The following ANTXR2 variants were observed in gnomAD, a reference collection of about 807,000 sequenced individuals.
The protein encoded by ANTXR2 is anthrax toxin receptor 2.
ANTXR2 carries 44 observed loss-of-function variants against 73.7 expected under a neutral mutation model. The observed-to-expected ratio is 0.60, with a 90% confidence interval of 0.47 to 0.77. ANTXR2 has a LOEUF of 0.77. Among genes scored for constraint, ANTXR2 ranks in the 30% least tolerant of loss-of-function variants. The probability of loss-of-function intolerance (pLI) is 0.00; values close to 1 mark genes in which losing one functional copy is unlikely to be tolerated. For missense variants in ANTXR2, 604 were observed against 592.5 expected (o/e 1.02, Z -0.20); for synonymous variants, 217 against 205.9 (o/e 1.05, Z -0.46).
intron 10 of ANTXR2, among the ~76,000 whole-genome samples, chr4:80,026,337 T>C (rs899594841): frequency 2.0e-5 from 3 of 152,156 alleles, no homozygotes; most frequent in Non-Finnish European, 2.9e-5. Flanking sequence ...CCTTCTGCCA[T>C]GACTAAGTTT....
intron 16 of ANTXR2, among the ~76,000 whole-genome samples, chr4:79,966,356 C>A (rs1729365309): frequency 1.3e-5 from 2 of 152,112 alleles, no homozygotes; most frequent in Non-Finnish European, 2.9e-5. Context: ...CCATAAGGTT[C>A]AGTAACTTTA....
chr4:79,917,758 T>G (rs977598225), intron 16 of ANTXR2, among the ~76,000 whole-genome samples: 2 of 151,992 alleles, frequency 1.3e-5, no homozygotes, highest in Non-Finnish European at 2.9e-5. Context: ...AGGGTAAACG[T>G]TACCAGACGA....
intron 6 of ANTXR2, 134 bp from the exon 7 acceptor site, chr4:80,054,486 A>C: frequency 1.6e-6 from 1 of 627,878 alleles, no homozygotes; most frequent in Non-Finnish European, 2.8e-6. Context: ...ATCTGTGTTC[A>C]AGGTCAGGAA....
intron 15 of ANTXR2, 70 bp from the exon 16 acceptor site, chr4:79,977,771 C>T: frequency 7.0e-7 from 1 of 1,425,562 alleles, no homozygotes; most frequent in Non-Finnish European, 9.5e-7. Context: ...TAAATGAAGA[C>T]ATAAAACGAA....
At chr4:79,934,569 A>G (rs936232476) in intron 16 of ANTXR2, among the ~76,000 whole-genome samples, 1 of 151,870 alleles carries the variant, frequency 6.6e-6, no homozygotes, top group African/African-American at 2.4e-5. Context: ...CAAACCTATC[A>G]TTTAAGACTC....
At chr4:79,948,520 G>A (rs909138563) in intron 16 of ANTXR2, among the ~76,000 whole-genome samples, 2 of 152,090 alleles carry the variant, frequency 1.3e-5, no homozygotes, top group African/African-American at 4.8e-5. Flanking sequence ...AACCATAACA[G>A]ATGCCTATGA....
intron 10 of ANTXR2, among the ~76,000 whole-genome samples, chr4:80,019,702 G>A (rs911767090): frequency 6.6e-6 from 1 of 152,092 alleles, no homozygotes; most frequent in African/African-American, 2.4e-5. Context: ...ATGAAAGACA[G>A]CAACAAAGAA....
chr4:79,924,039 T>C (rs1348745740), intron 16 of ANTXR2, among the ~76,000 whole-genome samples: 4 of 152,164 alleles, frequency 2.6e-5, no homozygotes, highest in Admixed American at 2.6e-4. Context: ...AGGTTCGTTA[T>C]ATGGGTGTAT....
chr4:79,999,399 G>A (rs1237035868), intron 12 of ANTXR2, among the ~76,000 whole-genome samples: 1 of 151,814 alleles, frequency 6.6e-6, no homozygotes. Context: ...TTCACCTTCT[G>A]CCATGATTGT....
chr4:80,068,308 G>A (rs17004812), intron 3 of ANTXR2, among the ~76,000 whole-genome samples: 13,245 of 152,218 alleles, frequency 0.087, 680 homozygotes, highest in East Asian at 0.2. Context: ...TTCCCTTGCT[G>A]AAACTACAGT....
At chr4:79,950,955 C>A (rs1728679249) in intron 16 of ANTXR2, among the ~76,000 whole-genome samples, 1 of 152,138 alleles carries the variant, frequency 6.6e-6, no homozygotes, top group Non-Finnish European at 1.5e-5. Context: ...CTCAGATTGT[C>A]CCATTCTGAT....
intron 9 of ANTXR2, among the ~76,000 whole-genome samples, chr4:80,032,694 A>G (rs1336418034): frequency 1.3e-5 from 2 of 151,898 alleles, no homozygotes; most frequent in African/African-American, 4.8e-5. Flanking sequence ...AATCTGCTTT[A>G]CAATATAAAT....
chr4:80,050,822 A>C (rs115970504), intron 7 of ANTXR2, among the ~76,000 whole-genome samples: 2,832 of 151,790 alleles, frequency 0.019, 88 homozygotes, highest in African/African-American at 0.065. Context: ...TTATTATAAG[A>C]GTACTCTTCC....
chr4:79,973,937 G>A (rs12645327), intron 16 of ANTXR2, among the ~76,000 whole-genome samples: 15,108 of 152,126 alleles, frequency 0.099, 1,908 homozygotes, highest in East Asian at 0.66. Flanking sequence ...AAGGCAAAAC[G>A]GCAAATCATG....
intron 6 of ANTXR2, 79 bp from the exon 7 acceptor site, chr4:80,054,431 A>G (rs1187764331): frequency 9.6e-7 from 1 of 1,044,894 alleles, no homozygotes; most frequent in African/African-American, 1.7e-5. Context: ...CATTTCAGTT[A>G]TGTTCATCTG....
chr4:79,984,776 GAA>G, intron 13 of ANTXR2, 41 bp downstream of exon 13: 1 of 1,328,768 alleles, frequency 7.5e-7, no homozygotes, highest in Middle Eastern at 1.9e-4. Flanking sequence ...TCTGCATTTG[GAA>G]AAAAAAAACA....
intron 16 of ANTXR2, among the ~76,000 whole-genome samples, chr4:79,963,508 T>A (rs1211109208): frequency 6.6e-6 from 1 of 152,176 alleles, no homozygotes; most frequent in African/African-American, 2.4e-5. Context: ...CCTCTCAATA[T>A]ACTGAAAAAT....
At chr4:80,051,276 A>G (rs1026508278) in intron 7 of ANTXR2, among the ~76,000 whole-genome samples, 2 of 151,726 alleles carry the variant, frequency 1.3e-5, no homozygotes, top group African/African-American at 2.4e-5. Flanking sequence ...AATGTCCACA[A>G]TGCTTTGTAA....
chr4:80,062,418 T>C (rs1734304999), intron 3 of ANTXR2, among the ~76,000 whole-genome samples: 1 of 152,132 alleles, frequency 6.6e-6, no homozygotes, highest in Non-Finnish European at 1.5e-5. Context: ...GCCAGGTCTG[T>C]CTCCCAGGCA....
Sources: allele counts gnomAD v4.1 joint callset (sites outside exome capture counted in the v4.1 genomes callset), GRCh38; gene constraint gnomAD v4.1.1; transcripts MANE v1.5; gene names NCBI Gene and HGNC (gene_info 2026-07-23, HGNC 2026-07-21).